MBTD1: variants seen among roughly 807,000 people sequenced by gnomAD.
MBTD1 encodes mbt domain containing 1.
MBTD1 carries 24 observed loss-of-function variants against 87.8 expected under a neutral mutation model. The observed-to-expected ratio is 0.27, with a 90% CI of 0.20 to 0.38. The LOEUF (loss-of-function observed/expected upper bound fraction) is 0.38. Among genes scored for constraint, MBTD1 ranks in the 10% least tolerant of loss-of-function variants. MBTD1 has a pLI of 1.00. For missense variants in MBTD1, 436 were observed against 760.2 expected (o/e 0.57, Z 5.02); for synonymous variants, 237 against 248.6 (o/e 0.95, Z 0.44).
chr17:51,227,251 A>AAAT (rs1555691262), intron 2 of MBTD1, among the ~76,000 whole-genome samples: 1 of 38,272 alleles, frequency 2.6e-5, no homozygotes, highest in African/African-American at 7.8e-5. Flanking sequence ...CCAAAAAAAA[A>AAAT]AAAAAAAAAA....
chr17:51,205,945 T>C (rs1462419746), intron 7 of MBTD1, among the ~76,000 whole-genome samples: 1 of 152,134 alleles, frequency 6.6e-6, no homozygotes, highest in Non-Finnish European at 1.5e-5. Context: ...CAGTAGTAAT[T>C]GAAGATAACT....
intron 16 of MBTD1, chr17:51,191,460 T>C (rs1009536877): frequency 1.3e-5 from 2 of 150,884 alleles, no homozygotes; most frequent in African/African-American, 4.9e-5. Flanking sequence ...TCTAGAAAAA[T>C]TTGGTAAAGC....
chr17:51,195,612 T>C (rs1276773782), intron 12 of MBTD1, among the ~76,000 whole-genome samples: 1 of 152,202 alleles, frequency 6.6e-6, no homozygotes, highest in South Asian at 2.1e-4. Flanking sequence ...AGCAGTGCGT[T>C]TGACCATAGC....
chr17:51,188,370 A>G (rs967207402), intron 16 of MBTD1, among the ~76,000 whole-genome samples: 1 of 152,214 alleles, frequency 6.6e-6, no homozygotes, highest in African/African-American at 2.4e-5. Context: ...CTACAAAGCA[A>G]GCTAGACCAA....
chr17:51,203,044 C>T, intron 9 of MBTD1, 96 bp downstream of exon 9: 1 of 1,260,696 alleles, frequency 7.9e-7, no homozygotes, highest in Non-Finnish European at 1.1e-6. Flanking sequence ...TAACACAGAT[C>T]ATCTGGTTCA....
At position 51,180,591 on chromosome 17, in the gene MBTD1, G is replaced by A; in HGVS notation, c.1872C>T (p.Ile624=). ...QESNGSANFY[I]KQEP ...CTAAGCCACCTCATGGCTCTTGTTT[G>A]ATGTAGAAGTTGGCAGAGCCATTGC... Residue 624 remains isoleucine (I), a synonymous_variant, in exon 17 of 17, where the codon ATC becomes ATT. Coordinates refer to ENST00000586178, the MANE Select transcript of MBTD1 (RefSeq NM_017643.3). The A allele has an allele frequency of 6.5e-7, 1 of 1,544,590 alleles. No individual in the cohort carries two copies. The highest frequency in any genetic ancestry group is 8.8e-7 in the Non-Finnish European group (1 of 1,140,820).
rs548255063 is a variant in MBTD1 at position 51,219,337 on chromosome 17, G to A, written c.289-293C>T. Among the ~76,000 whole-genome samples the A allele has an allele frequency of 2.0e-5, 3 of 152,290 alleles. No individual in the cohort carries two copies. The South Asian group carries it at 6.2e-4, about 32-fold the overall frequency. On this transcript the variant is annotated intron_variant, in intron 4 of 16. Coordinates refer to ENST00000586178, the MANE Select transcript of MBTD1 (RefSeq NM_017643.3). Reference sequence around the variant, plus strand: ...AGATGTTAAAATATAGGCTGTGGTGGATACTTGATTCCTTCTTACAGTAGA... The same window carrying A: ...AGATGTTAAAATATAGGCTGTGGTGAATACTTGATTCCTTCTTACAGTAGA...
At chr17:51,203,388 C>T (rs894177434) in intron 8 of MBTD1, among the ~76,000 whole-genome samples, 160 bp from the exon 9 acceptor site, 2 of 152,196 alleles carry the variant, frequency 1.3e-5, no homozygotes, top group East Asian at 1.9e-4. Flanking sequence ...CAGCAAAAAG[C>T]TGCTTAACAC....
At chr17:51,254,055 G>A (rs1430037501) in intron 2 of MBTD1, among the ~76,000 whole-genome samples, 1 of 152,108 alleles carries the variant, frequency 6.6e-6, no homozygotes, top group Non-Finnish European at 1.5e-5. Context: ...CAAACCCACT[G>A]GGAGCAGTGG....
At chr17:51,235,629 A>C (rs1254919330) in intron 2 of MBTD1, among the ~76,000 whole-genome samples, 2 of 152,224 alleles carry the variant, frequency 1.3e-5, no homozygotes, top group Non-Finnish European at 2.9e-5. Flanking sequence ...AATGCACTTG[A>C]CAAAAATCTA....
At chr17:51,253,554 C>G (rs1228500599) in intron 2 of MBTD1, among the ~76,000 whole-genome samples, 2 of 152,074 alleles carry the variant, frequency 1.3e-5, no homozygotes, top group East Asian at 3.8e-4. Flanking sequence ...CTGGCATATA[C>G]ACAGATCAAT....
At chr17:51,239,099 CAAA>C (rs60345239) in intron 2 of MBTD1, among the ~76,000 whole-genome samples, 6 of 142,082 alleles carry the variant, frequency 4.2e-5, no homozygotes, top group Non-Finnish European at 3.1e-5. Context: ...GTCTCCATCT[CAAA>C]AAAAAAAAAA....
chr17:51,252,765 A>G (rs1049279026), intron 2 of MBTD1, among the ~76,000 whole-genome samples: 3 of 151,864 alleles, frequency 2.0e-5, no homozygotes, highest in African/African-American at 7.3e-5. Flanking sequence ...ACAAAACCCC[A>G]AAAAACTGCA....
intron 6 of MBTD1, among the ~76,000 whole-genome samples, chr17:51,213,765 C>T (rs2052396101): frequency 1.3e-5 from 2 of 152,118 alleles, no homozygotes; most frequent in African/African-American, 2.4e-5. Context: ...GAACTGCCAA[C>T]GATGGGGTGT....
At chr17:51,225,664 G>A (rs1041645912) in intron 2 of MBTD1, among the ~76,000 whole-genome samples, 1 of 151,992 alleles carries the variant, frequency 6.6e-6, no homozygotes, top group African/African-American at 2.4e-5. Context: ...CTCAAGGGAT[G>A]TCCTGCCTCT....
intron 2 of MBTD1, chr17:51,256,493 C>A (rs1161095357): frequency 6.6e-6 from 1 of 152,092 alleles, no homozygotes; most frequent in Non-Finnish European, 1.5e-5. Context: ...TTCCCAGGAC[C>A]CACTGCAGAC....
At chr17:51,241,498 T>A (rs1359376104) in intron 2 of MBTD1, among the ~76,000 whole-genome samples, 1 of 152,228 alleles carries the variant, frequency 6.6e-6, no homozygotes, top group African/African-American at 2.4e-5. Context: ...GTCAGCATTC[T>A]CTAAGAAACA....
rs562737675 is a variant in MBTD1 at position 51,243,462 on chromosome 17, C to T, written c.-49+15681G>A. 7.2e-5 allele frequency among the ~76,000 whole-genome samples: 11 copies of T among 152,134 alleles called. No homozygotes were observed. In the South Asian group the frequency reaches 1.7e-3, roughly 23 times the overall value. ...GATTTTCTGAATAATTTGAAAGTTACGTATCACAAAATAATTCAATGTGCA... is the reference window on the plus strand; with the variant it reads ...GATTTTCTGAATAATTTGAAAGTTATGTATCACAAAATAATTCAATGTGCA... On this transcript the variant is annotated intron_variant, in intron 2 of 16. Transcript: ENST00000586178.
intron 16 of MBTD1, among the ~76,000 whole-genome samples, chr17:51,189,072 T>A (rs1053281825): frequency 2.0e-5 from 3 of 152,166 alleles, no homozygotes; most frequent in Admixed American, 6.5e-5. Context: ...GAAGTTTTTT[T>A]AAAAAGAACT....
Sources: gnomAD v4.1 joint callset for allele counts (sites outside exome capture counted in the v4.1 genomes callset) on GRCh38, gnomAD v4.1.1 for gene constraint, MANE v1.5 for transcripts, NCBI Gene and HGNC (gene_info 2026-07-23, HGNC 2026-07-21) for gene names.